TLL1: variants seen among roughly 807,000 people sequenced by gnomAD.
TLL1 encodes tolloid-like protein 1.
In TLL1, 49 loss-of-function variants were observed where a neutral mutation model predicts 128.2. The ratio of observed to expected loss-of-function variants is 0.38; its 90% CI spans 0.30 to 0.48. The LOEUF (loss-of-function observed/expected upper bound fraction) is 0.48, where lower values mean the gene tolerates loss of function less well. Ranked by LOEUF, TLL1 falls within the 20% of genes least tolerant of loss-of-function variation. The pLI, the probability that TLL1 is intolerant of heterozygous loss-of-function variation, is 0.96. For synonymous variants in TLL1, 454 were observed against 418.8 expected (o/e 1.08, Z -1.03); for missense variants, 1,123 against 1,242.0 (o/e 0.90, Z 1.44).
intron 1 of TLL1, among the ~76,000 whole-genome samples, chr4:165,946,177 G>A (rs1350092779): frequency 3.3e-5 from 5 of 152,088 alleles, no homozygotes; most frequent in African/African-American, 1.2e-4. Flanking sequence ...TGCCAACACT[G>A]AATGAGCTTG....
chr4:166,090,223 C>T (rs945865384), intron 18 of TLL1, among the ~76,000 whole-genome samples: 3 of 151,830 alleles, frequency 2.0e-5, no homozygotes, highest in East Asian at 1.9e-4. Context: ...GTAGGAATGG[C>T]GGCTTTATTT....
At chr4:166,017,412 T>A (rs368511974) in intron 8 of TLL1, among the ~76,000 whole-genome samples, 1 of 151,988 alleles carries the variant, frequency 6.6e-6, no homozygotes, top group Non-Finnish European at 1.5e-5. Flanking sequence ...AGTGCATGTG[T>A]CTTTTCGGTG....
At chr4:166,077,433 G>A (rs1202899432) in intron 17 of TLL1, among the ~76,000 whole-genome samples, 3 of 152,088 alleles carry the variant, frequency 2.0e-5, no homozygotes, top group African/African-American at 7.2e-5. Flanking sequence ...CTAAGAGAGA[G>A]AGAAAATGTA....
chr4:166,052,126 T>A (rs967856049), intron 12 of TLL1, among the ~76,000 whole-genome samples: 4 of 152,100 alleles, frequency 2.6e-5, no homozygotes, highest in Admixed American at 6.6e-5. Flanking sequence ...ATTGAAGAAA[T>A]CTGAAATTTT....
At chr4:165,896,669 G>C (rs1231314127) in intron 1 of TLL1, among the ~76,000 whole-genome samples, 1 of 151,846 alleles carries the variant, frequency 6.6e-6, no homozygotes, top group South Asian at 2.1e-4. Flanking sequence ...ATTTTTAGTA[G>C]AGACAGGGTT....
At chr4:165,987,458 G>A (rs1281825612) in intron 1 of TLL1, among the ~76,000 whole-genome samples, 1 of 151,950 alleles carries the variant, frequency 6.6e-6, no homozygotes, top group Non-Finnish European at 1.5e-5. Flanking sequence ...TTCAATTTCA[G>A]GCATCAAAAC....
At position 166,055,489 on chromosome 4, in the gene TLL1, G is replaced by GT. The variant is rs367985354; in HGVS notation, c.1720+224dup. ...ATTCCATTAGGATATTCTACCATCT[G>GT]TTTTTTATGAAATGGTCAAAACAGC... On this transcript the variant is annotated intron_variant, in intron 13 of 20. Coordinates refer to ENST00000061240, the MANE Select transcript of TLL1 (RefSeq NM_012464.5). 9.1e-3 allele frequency among the ~76,000 whole-genome samples: 1,381 copies of GT among 152,176 alleles called. 20 individuals are homozygous for GT. The highest frequency in any genetic ancestry group is 0.032 in the African/African-American group (1,309 of 41,514).
chr4:166,053,107 ATAAT>A (rs1739836208), intron 12 of TLL1: 4 of 151,686 alleles, frequency 2.6e-5, no homozygotes, highest in Admixed American at 2.0e-4. Context: ...ACTCACAAAA[ATAAT>A]TTATTTTTAG....
chr4:166,076,445 A>C (rs1353622735), intron 17 of TLL1, among the ~76,000 whole-genome samples: 1 of 152,182 alleles, frequency 6.6e-6, no homozygotes, highest in Admixed American at 6.5e-5. Context: ...TTTATAGATT[A>C]TACATGTAGC....
Position 166,065,990 on chromosome 4 carries a change from A to ATTTG in TLL1, c.2188+127_2188+128insTTTG. 8 of 185,406 alleles carry ATTTG rather than the reference A, an allele frequency of 4.3e-5. 1 individual carries two copies. Among genetic ancestry groups the ATTTG allele is most frequent in the Non-Finnish European group, 3.3e-5 (4 of 122,114 alleles). The allele number at this position is 185,406 out of a possible 1,614,324, so 11.5% of individuals were successfully genotyped here. A position where few individuals can be genotyped will look rare whatever the true frequency, so the allele number is the denominator to read the frequency against. ...TTGAAGATAAGTAGGCCTTACAAACAACACAAAAATAATTATAGCAATATT... is the reference window on the plus strand; with the variant it reads ...TTGAAGATAAGTAGGCCTTACAAACATTTGACACAAAAATAATTATAGCAATATT... On this transcript the variant is annotated intron_variant, in intron 16 of 20. Coordinates refer to ENST00000061240, the MANE Select transcript of TLL1 (RefSeq NM_012464.5).
intron 5 of TLL1, among the ~76,000 whole-genome samples, chr4:165,995,877 C>A (rs1736851228): frequency 6.6e-6 from 1 of 152,220 alleles, no homozygotes; most frequent in Admixed American, 6.5e-5. Context: ...TCCCACATAT[C>A]AATTTTGTAA....
chr4:165,919,671 A>G (rs955893992), intron 1 of TLL1, among the ~76,000 whole-genome samples: 1 of 152,210 alleles, frequency 6.6e-6, no homozygotes, highest in Non-Finnish European at 1.5e-5. Context: ...TTCTTTGGAT[A>G]AATACAGCTT....
intron 9 of TLL1, among the ~76,000 whole-genome samples, chr4:166,025,718 C>T (rs1304430008): frequency 6.6e-6 from 1 of 151,820 alleles, no homozygotes; most frequent in African/African-American, 2.4e-5. Flanking sequence ...TAGAAAAATC[C>T]CCATATATTT....
chr4:165,889,529 G>T (rs990319916), intron 1 of TLL1, among the ~76,000 whole-genome samples: 1 of 152,202 alleles, frequency 6.6e-6, no homozygotes, highest in African/African-American at 2.4e-5. Context: ...TACCTATTGT[G>T]ATTTGCAGAG....
At chr4:165,948,372 T>G (rs1288896007) in intron 1 of TLL1, among the ~76,000 whole-genome samples, 1 of 152,084 alleles carries the variant, frequency 6.6e-6, no homozygotes, top group East Asian at 1.9e-4. Context: ...TTTGAGCAAA[T>G]GAGATTTAAA....
intron 9 of TLL1, among the ~76,000 whole-genome samples, chr4:166,037,690 C>A (rs1739063894): frequency 1.3e-5 from 2 of 151,914 alleles, no homozygotes; most frequent in Non-Finnish European, 2.9e-5. Flanking sequence ...CACCTGTAAT[C>A]CCAGCTACTC....
At chr4:166,030,423 G>T (rs1738713474) in intron 9 of TLL1, 2 of 553,192 alleles carry the variant, frequency 3.6e-6, no homozygotes, top group South Asian at 2.6e-5. Context: ...TTAGAGATAT[G>T]ATTTGCATAT....
chr4:165,917,947 T>C (rs948213079), intron 1 of TLL1, among the ~76,000 whole-genome samples: 29 of 152,206 alleles, frequency 1.9e-4, no homozygotes, highest in Admixed American at 1.7e-3. Flanking sequence ...TTTAAAAAAT[T>C]GCAGTGCAAA....
intron 1 of TLL1, among the ~76,000 whole-genome samples, chr4:165,907,529 T>C (rs976720781): frequency 2.6e-5 from 4 of 151,238 alleles, no homozygotes; most frequent in African/African-American, 9.8e-5. Flanking sequence ...AAACGTAGAG[T>C]AAGATTAATT....
Sources: gnomAD v4.1 joint callset for allele counts (sites outside exome capture counted in the v4.1 genomes callset) on GRCh38, gnomAD v4.1.1 for gene constraint, MANE v1.5 for transcripts, NCBI Gene and HGNC (gene_info 2026-07-23, HGNC 2026-07-21) for gene names.